CSGALNACT1: variants seen among roughly 807,000 people sequenced by gnomAD.
The protein encoded by CSGALNACT1 is chondroitin sulfate N-acetylgalactosaminyltransferase 1.
A neutral mutation model predicts 51.0 loss-of-function variants in CSGALNACT1; 52 were observed. That is an observed-to-expected ratio of 1.02 (90% CI 0.82 to 1.29). The LOEUF (loss-of-function observed/expected upper bound fraction) is 1.29. CSGALNACT1 is among the 50% of genes most tolerant of loss of function. The pLI, the probability that CSGALNACT1 is intolerant of heterozygous loss-of-function variation, is 0.00. For synonymous variants in CSGALNACT1, 341 were observed against 254.4 expected, an observed-to-expected ratio of 1.34 and a Z score of -3.24; for missense variants, 935 against 679.2, an observed-to-expected ratio of 1.38 and a Z score of -4.19.
chr8:19,439,758 G>T, intron 6 of CSGALNACT1, 72 bp downstream of exon 5: 1 of 1,153,390 alleles, frequency 8.7e-7, no homozygotes, highest in Non-Finnish European at 1.3e-6. Flanking sequence ...TTAAGCAGAA[G>T]TTTCAGCCTT....
chr8:19,643,637 TAAA>T (rs35567016), intron 1 of CSGALNACT1, among the ~76,000 whole-genome samples: 1 of 141,958 alleles, frequency 7.0e-6, no homozygotes. Context: ...GACACCATCT[TAAA>T]AAAAAAAAAA....
intron 5 of CSGALNACT1, among the ~76,000 whole-genome samples, chr8:19,442,707 C>T (rs1355774967): frequency 9.2e-6 from 1 of 108,668 alleles, no homozygotes; most frequent in Non-Finnish European, 2.0e-5. Flanking sequence ...TACCCTAAAA[C>T]TTAAAGTATA....
chr8:19,567,019 A>T (rs1212670552), intron 3 of CSGALNACT1, among the ~76,000 whole-genome samples: 1 of 152,162 alleles, frequency 6.6e-6, no homozygotes, highest in Non-Finnish European at 1.5e-5. Context: ...AATATCCCCA[A>T]TTCACTCATA....
intron 8 of CSGALNACT1, among the ~76,000 whole-genome samples, chr8:19,409,715 G>A (rs78888026): frequency 6.6e-6 from 1 of 152,178 alleles, no homozygotes; most frequent in African/African-American, 2.4e-5. Flanking sequence ...TCCCCACTTG[G>A]ATTTGTATAG....
At chr8:19,505,486 G>C (rs2077147398) in exon 4 of CSGALNACT1, 2 of 1,614,154 alleles carry the variant, frequency 1.2e-6, no homozygotes, top group Non-Finnish European at 1.7e-6. Context: ...AGGTCGGCCT[G>C]GGTTTTCTCT....
At chr8:19,587,181 G>A (rs1211908988) in intron 3 of CSGALNACT1, among the ~76,000 whole-genome samples, 2 of 152,058 alleles carry the variant, frequency 1.3e-5, no homozygotes, top group African/African-American at 4.8e-5. Context: ...CTCCTGGGAT[G>A]CTTTTCAAAA....
intron 6 of CSGALNACT1, among the ~76,000 whole-genome samples, chr8:19,426,934 T>C (rs1327622683): frequency 6.6e-6 from 1 of 152,230 alleles, no homozygotes; most frequent in Non-Finnish European, 1.5e-5. Context: ...AAAAAATCTT[T>C]AAAAATTTAC....
At chr8:19,515,361 A>G (rs1015030857) in intron 3 of CSGALNACT1, among the ~76,000 whole-genome samples, 2 of 152,024 alleles carry the variant, frequency 1.3e-5, no homozygotes, top group Non-Finnish European at 2.9e-5. Context: ...AGGTCCCCCT[A>G]TCTGCAGACT....
intron 5 of CSGALNACT1, among the ~76,000 whole-genome samples, chr8:19,456,749 C>T (rs1444643786): frequency 6.6e-6 from 1 of 152,140 alleles, no homozygotes; most frequent in African/African-American, 2.4e-5. Context: ...TCTATTAGCC[C>T]ACTCTACTTT....
chr8:19,590,721 C>T (rs973964143), intron 3 of CSGALNACT1, among the ~76,000 whole-genome samples: 4 of 136,832 alleles, frequency 2.9e-5, no homozygotes, highest in Non-Finnish European at 6.0e-5. Context: ...GCGATCTCGG[C>T]TCACTGCAAC....
At chr8:19,657,117 C>T (rs1278879037) in intron 1 of CSGALNACT1, among the ~76,000 whole-genome samples, 1 of 139,742 alleles carries the variant, frequency 7.2e-6, no homozygotes, top group Non-Finnish European at 1.6e-5. Context: ...ATAAGTAAAA[C>T]TTAAAACAAA....
chr8:19,666,859 AAGAAAGAAAGAAAGAAAGAAAGAAAG>A lies in CSGALNACT1; in HGVS notation c.-544+15588_-544+15613del, dbSNP rs2059278261. Among the ~76,000 whole-genome samples the A allele has an allele frequency of 5.6e-5, 7 of 123,896 alleles. 1 individual carries two copies. Among genetic ancestry groups the A allele is most frequent in the African/African-American group, 8.2e-5 (2 of 24,324 alleles). The allele number at this position is 123,896 out of a possible 152,430, so 81.3% of individuals were successfully genotyped here. A position where few individuals can be genotyped will look rare whatever the true frequency, so the allele number is the denominator to read the frequency against. ...AAAGAAAGAAAGAAAGAAAGAAAGAAAGAAAGAAAGAAAGAAAGAAAGAAAGAGAGAGAGGAAGTGAGGAAGGGAGG... is the reference window on the plus strand; with the variant it reads ...AAAGAAAGAAAGAAAGAAAGAAAGAAAGAGAGAGGAAGTGAGGAAGGGAGG... On this transcript the variant is annotated intron_variant, in intron 1 of 9. Coordinates refer to the CSGALNACT1 transcript ENST00000332246.
intron 1 of CSGALNACT1, among the ~76,000 whole-genome samples, chr8:19,650,023 G>T (rs2057659006): frequency 6.6e-6 from 1 of 151,994 alleles, no homozygotes; most frequent in Admixed American, 6.6e-5. Flanking sequence ...CTGAAATGCA[G>T]GGTCAGCAGG....
exon 4 of CSGALNACT1, chr8:19,505,649 C>G (rs368182901): frequency 2.5e-6 from 4 of 1,614,088 alleles, no homozygotes; most frequent in Non-Finnish European, 3.4e-6. Context: ...CCTCCCACTC[C>G]TGAAGGACGG....
intron 8 of CSGALNACT1, among the ~76,000 whole-genome samples, chr8:19,416,768 A>G (rs2056963671): frequency 6.6e-6 from 1 of 152,194 alleles, no homozygotes; most frequent in Non-Finnish European, 1.5e-5. Context: ...AGGATTGCAT[A>G]AGTGCGCTGT....
rs2065714701 is a variant in CSGALNACT1 at position 19,462,208 on chromosome 8, T to C, written c.635-3566A>G. On this transcript the variant is annotated intron_variant, in intron 4 of 9. Coordinates refer to ENST00000454498, the Ensembl canonical transcript of CSGALNACT1. ...CATATCTGCACAACTGAAACAGGTC[T>C]CCCCGTGTGGGTGACTGCATCTCGT... Among the ~76,000 whole-genome samples, 3 of 152,220 alleles carry C rather than the reference T, an allele frequency of 2.0e-5. No individual in the cohort carries two copies. The South Asian group carries it at 6.2e-4, about 31-fold the overall frequency.
chr8:19,742,315 G>C (rs1163311062), intron 1 of CSGALNACT1, among the ~76,000 whole-genome samples: 1 of 152,212 alleles, frequency 6.6e-6, no homozygotes, highest in East Asian at 1.9e-4. Flanking sequence ...CCAAACCACA[G>C]TGCCGTATAA....
At chr8:19,624,713 C>T (rs2054233667) in intron 1 of CSGALNACT1, among the ~76,000 whole-genome samples, 1 of 151,382 alleles carries the variant, frequency 6.6e-6, no homozygotes, top group Non-Finnish European at 1.5e-5. Flanking sequence ...GAGTCTCGCT[C>T]TGTTGCCCAG....
At chr8:19,642,527 T>A (rs1056715130) in intron 1 of CSGALNACT1, among the ~76,000 whole-genome samples, 1 of 151,960 alleles carries the variant, frequency 6.6e-6, no homozygotes, top group Non-Finnish European at 1.5e-5. Context: ...TCCCAGGACT[T>A]TGGGAGGCCA....
Sources: gnomAD v4.1 joint callset for allele counts (sites outside exome capture counted in the v4.1 genomes callset) on GRCh38, gnomAD v4.1.1 for gene constraint, MANE v1.5 for transcripts, NCBI Gene and HGNC (gene_info 2026-07-23, HGNC 2026-07-21) for gene names.